Variants in TLL2 observed in about 807,000 individuals in gnomAD.
TLL2 encodes the protein tolloid-like protein 2.
In TLL2, 106 loss-of-function variants were observed where a neutral mutation model predicts 123.0. The observed-to-expected ratio is 0.86, with a 90% CI of 0.74 to 1.01. TLL2 has a LOEUF of 1.01. Among genes scored for constraint, TLL2 ranks in the 50% least tolerant of loss-of-function variants. The pLI is 0.00. For synonymous variants in TLL2, 494 were observed against 516.8 expected, an observed-to-expected ratio of 0.96 and a Z score of 0.60; for missense variants, 1,332 against 1,336.7, an observed-to-expected ratio of 1.00 and a Z score of 0.06.
chr10:96,476,153 A>G (rs1847242404), intron 2 of TLL2, among the ~76,000 whole-genome samples: 1 of 150,246 alleles, frequency 6.7e-6, no homozygotes, highest in South Asian at 2.1e-4. Flanking sequence ...TGCATCTAAG[A>G]ATACATCTTC....
chr10:96,509,995 T>TTG (rs577577712), intron 1 of TLL2, among the ~76,000 whole-genome samples: 324 of 152,282 alleles, frequency 2.1e-3, no homozygotes, highest in Middle Eastern at 3.4e-3. Flanking sequence ...AACTGGCCTT[T>TTG]TGTCTACCCT....
intron 2 of TLL2, among the ~76,000 whole-genome samples, chr10:96,476,241 T>TATATATATATATATATATATA (rs1554939631): frequency 4.4e-4 from 32 of 72,334 alleles, no homozygotes; most frequent in Admixed American, 7.5e-4. Context: ...TATATATATA[T>TATATATATATATATATATATA]TTTATTTTTG....
At chr10:96,476,857 T>TACACACACAC (rs56240059) in intron 2 of TLL2, among the ~76,000 whole-genome samples, 6 of 117,350 alleles carry the variant, frequency 5.1e-5, no homozygotes, top group South Asian at 3.2e-4. Context: ...CCTTTTATGT[T>TACACACACAC]ACACACACAC....
At chr10:96,475,618 CACAGGATAA>C (rs928935760) in intron 2 of TLL2, among the ~76,000 whole-genome samples, 4 of 152,210 alleles carry the variant, frequency 2.6e-5, no homozygotes, top group African/African-American at 9.6e-5. Flanking sequence ...GTGCCAAGAT[CACAGGATAA>C]ACAGGCAAAG....
At chr10:96,442,370 CA>C (rs1846858181) in intron 3 of TLL2, among the ~76,000 whole-genome samples, 1 of 152,214 alleles carries the variant, frequency 6.6e-6, no homozygotes, top group South Asian at 2.1e-4. Flanking sequence ...CTGAGATTGA[CA>C]CAACGTGTCT....
intron 13 of TLL2, among the ~76,000 whole-genome samples, chr10:96,394,517 C>T (rs891371113): frequency 1.3e-5 from 2 of 152,166 alleles, no homozygotes; most frequent in Non-Finnish European, 2.9e-5. Flanking sequence ...CAGCAGGTCC[C>T]CAGGGCAACA....
At chr10:96,417,048 G>A (rs1241094533) in intron 7 of TLL2, among the ~76,000 whole-genome samples, 2 of 152,170 alleles carry the variant, frequency 1.3e-5, no homozygotes, top group South Asian at 2.1e-4. Flanking sequence ...TAGAGAGAAT[G>A]AAGTTGGAAG....
chr10:96,427,848 G>C (rs1036892456), intron 5 of TLL2, among the ~76,000 whole-genome samples: 3 of 152,170 alleles, frequency 2.0e-5, no homozygotes, highest in Admixed American at 2.0e-4. Flanking sequence ...AGGCTGGAGT[G>C]CAATGGCGGG....
Position 96,370,081 on chromosome 10 carries a change from CGGCCGAGCCT to C in TLL2, c.2887_2896del (p.Arg963AlafsTer8). On this transcript the variant is annotated frameshift_variant, in exon 20 of 21. Transcript: ENST00000357947. LOFTEE classifies it high-confidence loss of function. ...GGGACTTACCCCAGAGCCACAGAAG[CGGCCGAGCCT>C]GGGCGCTGAGCTGTCGTAGCCGTCG... 1 of 1,595,368 alleles carries C rather than the reference CGGCCGAGCCT, an allele frequency of 6.3e-7. No homozygotes were observed. Among genetic ancestry groups the C allele is most frequent in the East Asian group, 2.2e-5 (1 of 44,490 alleles).
intron 1 of TLL2, among the ~76,000 whole-genome samples, chr10:96,507,704 G>A (rs1847590565): frequency 6.6e-6 from 1 of 152,114 alleles, no homozygotes; most frequent in Admixed American, 6.5e-5. Flanking sequence ...GGGAAGTTGA[G>A]TAACATACTC....
At chr10:96,393,649 C>A (rs1305928631) in intron 13 of TLL2, among the ~76,000 whole-genome samples, 2 of 152,188 alleles carry the variant, frequency 1.3e-5, no homozygotes. Context: ...GGCATCTCAA[C>A]TAAGGCTGTC....
In TLL2 at chr10:96,374,969, G is replaced by T. The variant is rs1197931343; in HGVS notation, c.2449-1160C>A. Among the ~76,000 whole-genome samples the T allele has an allele frequency of 1.4e-4, 20 of 146,192 alleles. 1 individual carries two copies. The highest frequency in any genetic ancestry group is 6.8e-4 in the South Asian group (3 of 4,422). ...AGACAGGACATTAGTTGCGGGGGGG[G>T]GGGGGGGGTGTCAATTCAAAAGAGC... On this transcript the variant is annotated intron_variant, in intron 18 of 20. Transcript: ENST00000357947.
intron 1 of TLL2, among the ~76,000 whole-genome samples, chr10:96,480,871 A>T (rs1467527194): frequency 6.6e-6 from 1 of 152,180 alleles, no homozygotes; most frequent in Non-Finnish European, 1.5e-5. Flanking sequence ...CCCTGGGGAA[A>T]GATTATAGCT....
intron 11 of TLL2, 63 bp from the exon 12 acceptor site, chr10:96,396,083 A>T: frequency 6.4e-7 from 1 of 1,567,338 alleles, no homozygotes; most frequent in African/African-American, 1.4e-5. Flanking sequence ...TTAGGAAGGA[A>T]GGTTGGGGAG....
intron 1 of TLL2, among the ~76,000 whole-genome samples, chr10:96,491,156 G>A (rs1471454831): frequency 2.0e-5 from 3 of 152,046 alleles, no homozygotes; most frequent in Admixed American, 6.5e-5. Flanking sequence ...TGGGGCAGGC[G>A]GATCGCCTGA....
chr10:96,401,240 C>T (rs1013931939), intron 10 of TLL2, among the ~76,000 whole-genome samples: 4 of 152,130 alleles, frequency 2.6e-5, no homozygotes, highest in Non-Finnish European at 5.9e-5. Context: ...GGAAAAAATG[C>T]GATGCACAGT....
chr10:96,450,158 C>CATGG (rs3033656), intron 2 of TLL2, among the ~76,000 whole-genome samples: 5,050 of 150,720 alleles, frequency 0.034, 183 homozygotes, highest in African/African-American at 0.086. Flanking sequence ...TGAATGAATG[C>CATGG]ATGGATGGAT....
intron 5 of TLL2, among the ~76,000 whole-genome samples, chr10:96,423,089 C>G (rs1476418994): frequency 3.4e-5 from 5 of 146,738 alleles, no homozygotes; most frequent in Non-Finnish European, 7.4e-5. Flanking sequence ...GATCACGCCA[C>G]TGCACTCCAG....
chr10:96,417,956 G>C (rs1264125803), intron 7 of TLL2, among the ~76,000 whole-genome samples: 1 of 152,212 alleles, frequency 6.6e-6, no homozygotes, highest in African/African-American at 2.4e-5. Context: ...CTCTGCAGCA[G>C]TAGCTAATGT....
Sources: allele counts gnomAD v4.1 joint callset (sites outside exome capture counted in the v4.1 genomes callset), GRCh38; gene constraint gnomAD v4.1.1; transcripts MANE v1.5; gene names NCBI Gene and HGNC (gene_info 2026-07-23, HGNC 2026-07-21).